The following GARNL3 variants were observed in gnomAD, a reference collection of about 807,000 sequenced individuals.
GARNL3 encodes the protein GTPase-activating Rap/Ran-GAP domain-like protein 3.
GARNL3 carries 63 observed loss-of-function variants against 125.0 expected under a neutral mutation model. That is an observed-to-expected ratio of 0.50 (90% CI 0.41 to 0.62). GARNL3 has a LOEUF of 0.62. Ranked by LOEUF, GARNL3 falls within the 20% of genes least tolerant of loss-of-function variation. The probability of loss-of-function intolerance (pLI) is 0.00; values close to 1 mark genes in which losing one functional copy is unlikely to be tolerated. For missense variants in GARNL3, 994 were observed against 1,244.0 expected (o/e 0.80, Z 3.02); for synonymous variants, 439 against 457.5 (o/e 0.96, Z 0.52).
chr9:127,284,410 TC>T (rs1448529193), intron 1 of GARNL3, among the ~76,000 whole-genome samples: 1 of 152,178 alleles, frequency 6.6e-6, no homozygotes, highest in Non-Finnish European at 1.5e-5. Context: ...TTGTCTTTGT[TC>T]TTTGCTTTTT....
At chr9:127,358,840 T>C (rs1023691532) in intron 21 of GARNL3, among the ~76,000 whole-genome samples, 2 of 152,148 alleles carry the variant, frequency 1.3e-5, no homozygotes, top group African/African-American at 4.8e-5. Flanking sequence ...CCCAGATAAT[T>C]GTAATATTTA....
At chr9:127,370,143 G>A (rs554482196) in intron 22 of GARNL3, among the ~76,000 whole-genome samples, 5 of 152,324 alleles carry the variant, frequency 3.3e-5, no homozygotes, top group East Asian at 3.9e-4. Context: ...CACAGTGGTC[G>A]CATCAAAGGA....
At chr9:127,332,134 C>A in intron 7 of GARNL3, 140 bp from the exon 8 acceptor site, 1 of 674,502 alleles carries the variant, frequency 1.5e-6, no homozygotes, top group South Asian at 1.7e-5. Flanking sequence ...TGGTCAATAA[C>A]CCAGATGGAT....
upstream of GARNL3, chr9:127,264,697 A>G (rs1450983904): frequency 8.1e-7 from 1 of 1,227,014 alleles, no homozygotes; most frequent in South Asian, 4.1e-5. Flanking sequence ...AAATGACTAA[A>G]TATTTAATTG....
chr9:127,231,228 G>GTTTTTTTTTT (rs34963289), intron 1 of GARNL3, among the ~76,000 whole-genome samples: 287 of 100,316 alleles, frequency 2.9e-3, no homozygotes, highest in Middle Eastern at 7.0e-3. Flanking sequence ...CTAATTTTTT[G>GTTTTTTTTTT]TTTTTTTTTT....
At chr9:127,276,169 G>A (rs1157222804) in intron 1 of GARNL3, among the ~76,000 whole-genome samples, 1 of 148,604 alleles carries the variant, frequency 6.7e-6, no homozygotes, top group South Asian at 2.1e-4. Context: ...TTGATTGATT[G>A]TATAGATGGG....
At position 127,266,505 on chromosome 9, in the gene GARNL3, A is replaced by G. The variant is rs1224420934; in HGVS notation, c.144+1484A>G. 6.6e-6 allele frequency among the ~76,000 whole-genome samples: 1 copy of G among 152,198 alleles called. No individual in the cohort carries two copies. The highest frequency in any genetic ancestry group is 1.5e-5 in the Non-Finnish European group (1 of 68,028). On this transcript the variant is annotated intron_variant, in intron 1 of 27. Transcript: ENST00000373387. The surrounding 1 kb of genome is among the most constrained non-coding windows in gnomAD (Gnocchi z 4.0). The stretch of plus-strand genomic sequence containing the variant: ...ACTTATCTTTGTGACCAGTCAGGTT[A>G]CTTCTCTGAACCTCAGTAATGCTGA...
rs1829152390 is a variant in GARNL3, at chr9:127,330,323, A to G, written c.595-1951A>G. Among the ~76,000 whole-genome samples, 6 of 152,372 alleles carry G rather than the reference A, an allele frequency of 3.9e-5. No homozygotes were observed. The South Asian group carries it at 1.2e-3, about 32-fold the overall frequency. Reference sequence around the variant, plus strand: ...AACAGAGAAAGAAAAGTTATAAACCATAAAACCCTAAAGTGAATAGAGGTC... The same window carrying G: ...AACAGAGAAAGAAAAGTTATAAACCGTAAAACCCTAAAGTGAATAGAGGTC... On this transcript the variant is annotated intron_variant, in intron 7 of 27. Coordinates refer to ENST00000373387, the MANE Select transcript of GARNL3 (RefSeq NM_032293.5).
chr9:127,335,939 C>T (rs1829529134), intron 10 of GARNL3, among the ~76,000 whole-genome samples, 189 bp from the exon 11 acceptor site: 1 of 152,110 alleles, frequency 6.6e-6, no homozygotes, highest in Non-Finnish European at 1.5e-5. Context: ...GAGACAGGAG[C>T]AGAGGAGATG....
Position 127,277,813 on chromosome 9 carries a change from CT to C in GARNL3, c.144+12793del, listed in dbSNP as rs1175282969. Among the ~76,000 whole-genome samples the C allele has an allele frequency of 8.5e-5, 13 of 152,272 alleles. 1 individual carries two copies. The South Asian group carries it at 2.3e-3, about 27-fold the overall frequency. ...TTCCATGCAGCCTTACCTGATTCCC[CT>C]ATGGGAAAGTCATCTTTCACTATCT... On this transcript the variant is annotated intron_variant, in intron 1 of 27. Coordinates refer to ENST00000373387, the MANE Select transcript of GARNL3 (RefSeq NM_032293.5).
At chr9:127,225,807 GC>G (rs2131113444) in intron 1 of GARNL3, among the ~76,000 whole-genome samples, 1 of 1,256 alleles carries the variant, frequency 8.0e-4, no homozygotes, top group South Asian at 0.042. Context: ...CGCGGCCCCC[GC>G]GCCCCTCGCG....
At chr9:127,292,791 G>A (rs1008501342) in intron 2 of GARNL3, among the ~76,000 whole-genome samples, 14 of 152,288 alleles carry the variant, frequency 9.2e-5, no homozygotes, top group South Asian at 2.1e-4. Flanking sequence ...CCCAGTCAGG[G>A]GTTAGAAATA....
intron 1 of GARNL3, among the ~76,000 whole-genome samples, chr9:127,273,271 A>G (rs2063868762): frequency 6.6e-6 from 1 of 152,148 alleles, no homozygotes; most frequent in Non-Finnish European, 1.5e-5. Flanking sequence ...CCTGCGCTTA[A>G]TCTCTTCGCC....
At chr9:127,244,952 G>A (rs2063270404) in intron 2 of GARNL3, among the ~76,000 whole-genome samples, 2 of 152,222 alleles carry the variant, frequency 1.3e-5, no homozygotes, top group Non-Finnish European at 2.9e-5. Context: ...AGATGGACCC[G>A]GTAGTCTCGC....
upstream of GARNL3, chr9:127,264,008 T>C: frequency 6.7e-7 from 1 of 1,485,078 alleles, no homozygotes. Context: ...AGGTACTAAA[T>C]GCACCTTTCT....
chr9:127,228,994 G>A (rs1443956877), intron 1 of GARNL3, among the ~76,000 whole-genome samples: 2 of 152,090 alleles, frequency 1.3e-5, no homozygotes, highest in East Asian at 3.8e-4. Context: ...GCTAACTTTT[G>A]TATTTTTTAG....
intron 1 of GARNL3, among the ~76,000 whole-genome samples, chr9:127,285,477 G>T (rs2064224107): frequency 6.6e-6 from 1 of 152,030 alleles, no homozygotes; most frequent in Non-Finnish European, 1.5e-5. Context: ...TATTTTTAAA[G>T]GTGTGTATTC....
chr9:127,391,821 C>T (rs543762065), intron 27 of GARNL3, among the ~76,000 whole-genome samples: 17 of 151,930 alleles, frequency 1.1e-4, no homozygotes, highest in South Asian at 2.1e-4. Context: ...CAGCATCACA[C>T]GTCAATGAAT....
intron 2 of GARNL3, among the ~76,000 whole-genome samples, chr9:127,257,264 T>C (rs908613825): frequency 3.3e-5 from 5 of 152,224 alleles, no homozygotes; most frequent in Non-Finnish European, 7.3e-5. Context: ...ACCATACATT[T>C]TCATTTTTCT....
Sources: gnomAD v4.1 joint callset for allele counts (sites outside exome capture counted in the v4.1 genomes callset) on GRCh38, gnomAD v4.1.1 for gene constraint, Gnocchi (gnomAD v3.1) non-coding constraint, MANE v1.5 for transcripts, NCBI Gene and HGNC (gene_info 2026-07-23, HGNC 2026-07-21) for gene names.